The following SORCS3 variants were observed in gnomAD, a reference collection of about 807,000 sequenced individuals.
SORCS3 encodes the protein sortilin related VPS10 domain containing receptor 3.
In SORCS3, 57 loss-of-function variants were observed where a neutral mutation model predicts 146.3. The ratio of observed to expected loss-of-function variants is 0.39; its 90% CI spans 0.31 to 0.49. The LOEUF (loss-of-function observed/expected upper bound fraction) is 0.49. Ranked by LOEUF, SORCS3 falls within the 20% of genes least tolerant of loss-of-function variation. The pLI is 0.92. For missense variants in SORCS3, 1,341 were observed against 1,575.5 expected (o/e 0.85, Z 2.52); for synonymous variants, 653 against 618.5 (o/e 1.06, Z -0.83).
At chr10:104,907,568 A>G (rs1214253251) in intron 2 of SORCS3, among the ~76,000 whole-genome samples, 1 of 152,202 alleles carries the variant, frequency 6.6e-6, no homozygotes, top group Non-Finnish European at 1.5e-5. Flanking sequence ...CGAACCATGA[A>G]TTCTGCATGA....
intron 1 of SORCS3, among the ~76,000 whole-genome samples, chr10:104,688,423 C>T (rs560287802): frequency 4.6e-4 from 69 of 150,942 alleles, no homozygotes; most frequent in Non-Finnish European, 8.6e-4. Flanking sequence ...ATGCAGAGGG[C>T]GTTGTGAATC....
intron 2 of SORCS3, among the ~76,000 whole-genome samples, chr10:104,885,401 A>G (rs1219229826): frequency 6.6e-6 from 1 of 152,176 alleles, no homozygotes; most frequent in East Asian, 1.9e-4. Context: ...CACTTTTAAA[A>G]TGTTCAAAAT....
intron 20 of SORCS3, among the ~76,000 whole-genome samples, chr10:105,229,707 A>T (rs2056756039): frequency 6.6e-6 from 1 of 152,094 alleles, no homozygotes. Context: ...GGGGACTGGG[A>T]TGTCAGGTGG....
intron 1 of SORCS3, among the ~76,000 whole-genome samples, chr10:104,761,673 A>C (rs1339409964): frequency 6.6e-6 from 1 of 152,144 alleles, no homozygotes; most frequent in Non-Finnish European, 1.5e-5. Flanking sequence ...TGAAGATGCA[A>C]ATTTCCCCAC....
intron 8 of SORCS3, 55 bp from the exon 9 acceptor site, chr10:105,147,562 A>G (rs791124): frequency 0.54 from 788,864 of 1,464,398 alleles, 215,435 homozygotes; most frequent in Admixed American, 0.59. Context: ...TGGCATCCCA[A>G]TGGGCAGAGA....
At chr10:104,897,175 A>G (rs888995921) in intron 2 of SORCS3, among the ~76,000 whole-genome samples, 1 of 152,154 alleles carries the variant, frequency 6.6e-6, no homozygotes, top group Non-Finnish European at 1.5e-5. Flanking sequence ...GGAGACAGGG[A>G]TTTACTCTCT....
chr10:105,070,763 T>G (rs1052786962), intron 5 of SORCS3, among the ~76,000 whole-genome samples: 4 of 152,256 alleles, frequency 2.6e-5, no homozygotes, highest in African/African-American at 4.8e-5. Flanking sequence ...ATATCTGATG[T>G]GCCATTTGCT....
At chr10:104,821,992 T>C in intron 1 of SORCS3, 1 of 458,026 alleles carries the variant, frequency 2.2e-6, no homozygotes, top group East Asian at 5.7e-5. Flanking sequence ...ACAGCAGTGT[T>C]CAACACACCT....
intron 20 of SORCS3, among the ~76,000 whole-genome samples, chr10:105,227,254 G>T (rs1470457480): frequency 6.6e-6 from 1 of 151,060 alleles, no homozygotes; most frequent in Non-Finnish European, 1.5e-5. Flanking sequence ...TGTGTTTCTG[G>T]GTTTTTTTGT....
intron 3 of SORCS3, among the ~76,000 whole-genome samples, chr10:104,933,025 TG>T (rs1391403870): frequency 6.6e-6 from 1 of 152,176 alleles, no homozygotes; most frequent in African/African-American, 2.4e-5. Flanking sequence ...GCCACTGTGC[TG>T]GCCCCCTTGG....
intron 4 of SORCS3, among the ~76,000 whole-genome samples, chr10:105,007,731 A>G (rs1205478458): frequency 6.6e-6 from 1 of 152,018 alleles, no homozygotes; most frequent in Non-Finnish European, 1.5e-5. Context: ...ATAGGTAGTC[A>G]TTGGTTAGTT....
At chr10:104,916,226 G>A (rs1036500007) in intron 3 of SORCS3, among the ~76,000 whole-genome samples, 1 of 152,172 alleles carries the variant, frequency 6.6e-6, no homozygotes, top group African/African-American at 2.4e-5. Flanking sequence ...TCCCCATTTT[G>A]CAAGAGAAGC....
At chr10:104,725,940 T>G (rs1255584628) in intron 1 of SORCS3, among the ~76,000 whole-genome samples, 1 of 152,214 alleles carries the variant, frequency 6.6e-6, no homozygotes, top group Non-Finnish European at 1.5e-5. Context: ...AGGCGATGCC[T>G]CGCCCTGCTT....
intron 7 of SORCS3, among the ~76,000 whole-genome samples, chr10:105,119,653 A>G (rs751109880): frequency 2.0e-5 from 3 of 152,218 alleles, no homozygotes; most frequent in Non-Finnish European, 4.4e-5. Context: ...CATGTGAGAC[A>G]TGGAGTCAAA....
intron 4 of SORCS3, among the ~76,000 whole-genome samples, chr10:105,011,769 C>A (rs554414464): frequency 2.0e-5 from 3 of 152,282 alleles, no homozygotes; most frequent in South Asian, 4.1e-4. Flanking sequence ...CCTCTTTCCA[C>A]CAGTGTTTAT....
At chr10:105,113,897 A>G (rs116913708) in intron 7 of SORCS3, among the ~76,000 whole-genome samples, 3,391 of 152,246 alleles carry the variant, frequency 0.022, 78 homozygotes, top group Non-Finnish European at 0.031. Flanking sequence ...CACTTGGATA[A>G]AAGAGAAATC....
At chr10:105,047,007 T>G (rs1416261431) in intron 5 of SORCS3, among the ~76,000 whole-genome samples, 1 of 152,014 alleles carries the variant, frequency 6.6e-6, no homozygotes, top group Non-Finnish European at 1.5e-5. Context: ...GCAGAGTTGT[T>G]GTCATGGGGG....
chr10:104,781,459 G>A (rs1042338563), intron 1 of SORCS3, among the ~76,000 whole-genome samples: 1 of 152,208 alleles, frequency 6.6e-6, no homozygotes, highest in Non-Finnish European at 1.5e-5. Context: ...GCATGAGGTA[G>A]GTTCAGTTTT....
intron 2 of SORCS3, among the ~76,000 whole-genome samples, chr10:104,856,418 A>G (rs953675542): frequency 7.4e-6 from 1 of 135,532 alleles, no homozygotes; most frequent in African/African-American, 3.5e-5. Context: ...CTGTTATATG[A>G]TATTATGATA....
Sources: allele counts gnomAD v4.1 joint callset (sites outside exome capture counted in the v4.1 genomes callset), GRCh38; gene constraint gnomAD v4.1.1; transcripts MANE v1.5; gene names NCBI Gene and HGNC (gene_info 2026-07-23, HGNC 2026-07-21).